The following NXPE2 variants were observed in gnomAD, a reference collection of about 807,000 sequenced individuals.
The protein encoded by NXPE2 is NXPE family member 2.
In NXPE2, 34 loss-of-function variants were observed where a neutral mutation model predicts 34.4. That is an observed-to-expected ratio of 0.99 (90% confidence interval 0.75 to 1.31). The LOEUF (loss-of-function observed/expected upper bound fraction) is 1.31. Ranked by LOEUF, NXPE2 falls within the 40% of genes most tolerant of loss-of-function variation. The pLI is 0.00. For missense variants in NXPE2, 649 were observed against 672.5 expected (o/e 0.97, Z 0.39); for synonymous variants, 235 against 231.3 (o/e 1.02, Z -0.15).
chr11:114,569,866 G>A, the NXPE2 span, among the ~76,000 whole-genome samples: 2 of 152,174 alleles, frequency 1.3e-5, no homozygotes, highest in Admixed American at 1.3e-4. Flanking sequence ...TTAAAAGGGA[G>A]TATTAACAGC....
chr11:114,807,518 C>CA, the NXPE2 span, among the ~76,000 whole-genome samples: 1 of 150,610 alleles, frequency 6.6e-6, no homozygotes, highest in Admixed American at 6.6e-5. Context: ...AAATGGAAAA[C>CA]AAAAAAAGGC....
the NXPE2 span, among the ~76,000 whole-genome samples, chr11:114,748,828 A>T: frequency 2.0e-4 from 30 of 152,332 alleles, no homozygotes; most frequent in African/African-American, 7.2e-4. Context: ...CTACATATAT[A>T]TCCATTATCA....
At chr11:114,725,987 A>ATATATG in the NXPE2 span, among the ~76,000 whole-genome samples, 10 of 139,636 alleles carry the variant, frequency 7.2e-5, 1 homozygote, top group Non-Finnish European at 9.5e-5. Context: ...ATATATATAT[A>ATATATG]TATATAAAAA....
chr11:114,481,726 C>G, the NXPE2 span, among the ~76,000 whole-genome samples: 59,558 of 151,898 alleles, frequency 0.39, 12,299 homozygotes, highest in East Asian at 0.6. Context: ...TTTTCAAATG[C>G]TCATTGATGG....
the NXPE2 span, among the ~76,000 whole-genome samples, chr11:114,648,367 A>T: frequency 1.3e-5 from 2 of 152,162 alleles, no homozygotes; most frequent in African/African-American, 2.4e-5. Flanking sequence ...ACAAAAACCC[A>T]TATCTCAGTG....
chr11:114,702,898 T>G (rs1429032698), intron 3 of NXPE2, among the ~76,000 whole-genome samples: 1 of 152,172 alleles, frequency 6.6e-6, no homozygotes, highest in East Asian at 1.9e-4. Context: ...CTTCTCAATC[T>G]TAGAAAGGGC....
At chr11:114,468,288 G>A in the NXPE2 span, among the ~76,000 whole-genome samples, 1 of 152,196 alleles carries the variant, frequency 6.6e-6, no homozygotes, top group Admixed American at 6.5e-5. Flanking sequence ...GGGACAGAAA[G>A]TGAGCACTCT....
At chr11:114,753,480 GA>G in the NXPE2 span, among the ~76,000 whole-genome samples, 1 of 152,162 alleles carries the variant, frequency 6.6e-6, no homozygotes, top group Non-Finnish European at 1.5e-5. Flanking sequence ...CAGCCTGAAA[GA>G]AATTCTCTTT....
At chr11:114,501,913 G>A in the NXPE2 span, among the ~76,000 whole-genome samples, 2 of 152,200 alleles carry the variant, frequency 1.3e-5, no homozygotes, top group Non-Finnish European at 2.9e-5. Context: ...GGAAATCTCT[G>A]TGCTGTCAAA....
the NXPE2 span, among the ~76,000 whole-genome samples, chr11:114,488,855 G>T: frequency 0.069 from 10,440 of 151,998 alleles, 525 homozygotes; most frequent in East Asian, 0.23. Context: ...AAATAACTAA[G>T]ATCAGAGCAG....
chr11:114,629,931 A>C, the NXPE2 span, among the ~76,000 whole-genome samples: 1 of 150,496 alleles, frequency 6.6e-6, no homozygotes, highest in Non-Finnish European at 1.5e-5. Flanking sequence ...ATTGCTTCAA[A>C]GATAATAAAA....
At chr11:114,566,074 A>G in the NXPE2 span, among the ~76,000 whole-genome samples, 1 of 152,218 alleles carries the variant, frequency 6.6e-6, no homozygotes, top group African/African-American at 2.4e-5. Context: ...AATATAAATC[A>G]AGAATTCTAC....
At chr11:114,736,680 TAAAG>T in the NXPE2 span, among the ~76,000 whole-genome samples, 19,524 of 152,052 alleles carry the variant, frequency 0.13, 1,568 homozygotes, top group African/African-American at 0.23. Context: ...ATTAAGAGAC[TAAAG>T]TAAAGACAGG....
chr11:114,467,931 A>G, the NXPE2 span, among the ~76,000 whole-genome samples: 1 of 151,944 alleles, frequency 6.6e-6, no homozygotes, highest in African/African-American at 2.4e-5. Flanking sequence ...GAGACACCCT[A>G]TCTCAAAAAA....
At chr11:114,665,965 G>A in the NXPE2 span, among the ~76,000 whole-genome samples, 3 of 152,114 alleles carry the variant, frequency 2.0e-5, no homozygotes, top group Non-Finnish European at 4.4e-5. Flanking sequence ...GGAGACTGAG[G>A]TAGGGGGCAG....
the NXPE2 span, among the ~76,000 whole-genome samples, chr11:114,480,714 A>G: frequency 6.6e-6 from 1 of 152,214 alleles, no homozygotes; most frequent in Non-Finnish European, 1.5e-5. Context: ...TGGTTAAAGT[A>G]TTCACTGTAT....
In NXPE2 at chr11:114,698,344, A is replaced by T. The variant is rs370835815; in HGVS notation, c.432A>T (p.Gln144His). 8.7e-5 allele frequency: 140 copies of T among 1,613,992 alleles called. No homozygotes were observed. The highest frequency in any genetic ancestry group is 1.2e-4 in the Non-Finnish European group (138 of 1,179,958). ...GGGACCACTTGGGACACAGGAAGCAATATGGTGGGGATTTCCTGAGGGCCA... is the reference window on the plus strand; with the variant it reads ...GGGACCACTTGGGACACAGGAAGCATTATGGTGGGGATTTCCTGAGGGCCA... ...EVRDHLGHRK[Q>H]YGGDFLRARM... is the part of the protein sequence containing the mutation. Residue 144 changes from glutamine to histidine, a missense_variant, in exon 3 of 6, where the codon CAA becomes CAT. Physicochemically the swap from Gln to His is conservative, Grantham distance 24. Transcript: ENST00000389586.
the NXPE2 span, among the ~76,000 whole-genome samples, chr11:114,723,887 G>T: frequency 6.6e-6 from 1 of 152,132 alleles, no homozygotes; most frequent in Non-Finnish European, 1.5e-5. Flanking sequence ...CAGCCTTGGT[G>T]CTCTTCACTA....
chr11:114,521,971 G>A, the NXPE2 span: 1 of 1,606,128 alleles, frequency 6.2e-7, no homozygotes, highest in East Asian at 2.2e-5. Flanking sequence ...TTATCCCTTA[G>A]CAAATGTAGT....
Sources: allele counts gnomAD v4.1 joint callset (sites outside exome capture counted in the v4.1 genomes callset), GRCh38; gene constraint gnomAD v4.1.1; transcripts MANE v1.5; gene names NCBI Gene and HGNC (gene_info 2026-07-23, HGNC 2026-07-21).